Variants in COL21A1 observed in about 807,000 individuals in gnomAD.
COL21A1 encodes collagen type XXI alpha 1 chain.
COL21A1 carries 149 observed loss-of-function variants against 137.9 expected under a neutral mutation model. The observed-to-expected ratio is 1.08, with a 90% CI of 0.95 to 1.24. The LOEUF (loss-of-function observed/expected upper bound fraction) is 1.24. COL21A1 is among the 50% of genes most tolerant of loss of function. The probability of loss-of-function intolerance (pLI) is 0.00; values close to 1 mark genes in which losing one functional copy is unlikely to be tolerated. For synonymous variants in COL21A1, 456 were observed against 391.5 expected (o/e 1.16, Z -1.95); for missense variants, 1,167 against 1,158.4 (o/e 1.01, Z -0.11).
At chr6:56,225,700 T>C (rs1035528078) in intron 1 of COL21A1, among the ~76,000 whole-genome samples, 2 of 152,038 alleles carry the variant, frequency 1.3e-5, no homozygotes, top group African/African-American at 4.8e-5. Context: ...TGGCCTTTAA[T>C]TTTTTTAGTC....
intron 1 of COL21A1, among the ~76,000 whole-genome samples, chr6:56,227,246 T>C: frequency 6.6e-6 from 1 of 152,032 alleles, no homozygotes; most frequent in East Asian, 1.9e-4. Flanking sequence ...GAATGTGCTG[T>C]GTAATATGAC....
chr6:56,370,571 A>G (rs939840567), intron 1 of COL21A1, among the ~76,000 whole-genome samples: 1 of 152,232 alleles, frequency 6.6e-6, no homozygotes, highest in Non-Finnish European at 1.5e-5. Context: ...TTTTCAAAAT[A>G]AACCGTACAA....
At chr6:56,327,048 A>C (rs1047461792) in intron 1 of COL21A1, among the ~76,000 whole-genome samples, 8 of 152,078 alleles carry the variant, frequency 5.3e-5, no homozygotes, top group Non-Finnish European at 1.2e-4. Flanking sequence ...TATGTAAACC[A>C]GTATGATCAA....
In COL21A1 at chr6:56,170,963, G is replaced by A. The variant is rs1004347614; in HGVS notation, c.806C>T (p.Thr269Ile). 3 of 1,601,196 alleles carry A rather than the reference G, an allele frequency of 1.9e-6. No homozygotes were observed. The highest frequency in any genetic ancestry group is 3.4e-5 in the Admixed American group (2 of 58,100). ...TGTGTCAACATATAATGCATACCTT[G>A]TGAGTTCTGATAAATCAACTTTTGA... ...VTSKVDLSEL[T>I]SNVFPEGLPP... The change falls in exon 4 of 30, where the codon ACA (threonine) becomes ATA (isoleucine). Residue 269 changes from threonine to isoleucine, a missense_variant. Transcript: ENST00000244728.
chr6:56,171,805 C>T (rs1052908980), intron 3 of COL21A1, among the ~76,000 whole-genome samples: 1 of 151,510 alleles, frequency 6.6e-6, no homozygotes, highest in East Asian at 1.9e-4. Context: ...TAAGAATAAT[C>T]ATTAGCATTA....
chr6:56,178,361 T>G (rs564429099), intron 3 of COL21A1, among the ~76,000 whole-genome samples: 1 of 152,296 alleles, frequency 6.6e-6, no homozygotes, highest in East Asian at 1.9e-4. Context: ...TGATTTGTAC[T>G]TATTACAGTA....
At chr6:56,293,297 A>G (rs918555539) in intron 1 of COL21A1, among the ~76,000 whole-genome samples, 1 of 152,174 alleles carries the variant, frequency 6.6e-6, no homozygotes, top group African/African-American at 2.4e-5. Context: ...TTATACGATC[A>G]TTGTCTTGTA....
At chr6:56,266,067 T>C (rs576277589) in intron 1 of COL21A1, among the ~76,000 whole-genome samples, 11 of 152,344 alleles carry the variant, frequency 7.2e-5, no homozygotes, top group African/African-American at 2.6e-4. Flanking sequence ...ACCAGTAGCC[T>C]TTATAGGCCT....
rs376350188 is a variant in COL21A1 at position 56,126,121 on chromosome 6, C to G, written c.1571G>C (p.Gly524Ala). Residue 524 changes from glycine to alanine, a missense_variant, in exon 13 of 30, where the codon GGG becomes GCG. By Grantham distance (60) the Gly-to-Ala change is moderately conservative. Coordinates refer to ENST00000244728, the MANE Select transcript of COL21A1 (RefSeq NM_030820.4). ...KGDRGLPGFP[G>A]LHGMPGSKGE... ...CTTTGATCCTGGCATGCCATGAAGC[C>G]CAGGAAAACCAGGAAGTCCACGATC... 1.3e-6 allele frequency: 2 copies of G among 1,547,902 alleles called. No individual in the cohort carries two copies. The highest frequency in any genetic ancestry group is 1.7e-6 in the Non-Finnish European group (2 of 1,145,040).
At chr6:56,103,398 G>A (rs117237789) in intron 16 of COL21A1, among the ~76,000 whole-genome samples, 1,913 of 152,254 alleles carry the variant, frequency 0.013, 37 homozygotes, top group East Asian at 0.056. Flanking sequence ...AAAATAAAGA[G>A]GGTAAGGCAC....
At chr6:56,061,260 A>C in intron 25 of COL21A1, 1 of 539,296 alleles carries the variant, frequency 1.9e-6, no homozygotes, top group Non-Finnish European at 3.2e-6. Context: ...ACAAGTATCC[A>C]CAACTGATTG....
chr6:56,317,603 C>T (rs1032947153), intron 1 of COL21A1, among the ~76,000 whole-genome samples: 2 of 152,158 alleles, frequency 1.3e-5, no homozygotes. Flanking sequence ...CATCCTGGCT[C>T]AACCCCCAAT....
chr6:56,123,157 T>A (rs1359215646), intron 16 of COL21A1, among the ~76,000 whole-genome samples: 1 of 152,242 alleles, frequency 6.6e-6, no homozygotes, highest in African/African-American at 2.4e-5. Context: ...CCTCTATATG[T>A]CTAGTTTCTA....
intron 1 of COL21A1, among the ~76,000 whole-genome samples, chr6:56,246,647 C>G (rs1782662276): frequency 6.6e-6 from 1 of 152,128 alleles, no homozygotes; most frequent in South Asian, 2.1e-4. Flanking sequence ...CTGGAGGGCT[C>G]ATTAAAACAC....
At chr6:56,326,998 T>C (rs6933632) in intron 1 of COL21A1, among the ~76,000 whole-genome samples, 149,991 of 152,150 alleles carry the variant, frequency 0.99, 73,962 homozygotes, top group Middle Eastern at 1. Context: ...AAATGACTTA[T>C]AGAGACGCAT....
intron 16 of COL21A1, among the ~76,000 whole-genome samples, chr6:56,103,683 T>G (rs950599749): frequency 3.9e-5 from 6 of 152,188 alleles, no homozygotes; most frequent in African/African-American, 1.2e-4. Flanking sequence ...AGGATTTAAC[T>G]TATTATGTTC....
At chr6:56,359,515 T>G (rs1279148812) in intron 1 of COL21A1, among the ~76,000 whole-genome samples, 2 of 152,188 alleles carry the variant, frequency 1.3e-5, no homozygotes, top group Non-Finnish European at 1.5e-5. Flanking sequence ...TTTTTTTCTG[T>G]TTATGTCCTG....
chr6:56,352,589 T>C (rs1765735262), intron 1 of COL21A1, among the ~76,000 whole-genome samples: 1 of 150,860 alleles, frequency 6.6e-6, no homozygotes, highest in Admixed American at 6.6e-5. Context: ...TAAATGAAAA[T>C]TTGTATAGTA....
rs1561954447 is a variant in COL21A1 at position 56,179,962 on chromosome 6, CA to C, written c.255del (p.Val86CysfsTer15). On this transcript the variant is annotated frameshift_variant, in exon 3 of 30. Transcript: ENST00000244728. LOFTEE classifies it high-confidence loss of function. ...QVGVVQYSDY[P>X]VLEIPLGSYD... Reference sequence around the variant, plus strand: ...TAGCTTCCGAGAGGAATCTCCAGCACAGGGTAGTCACTATATTGAACCACTC... The same window carrying C: ...TAGCTTCCGAGAGGAATCTCCAGCACGGGTAGTCACTATATTGAACCACTC... 6.2e-7 allele frequency: 1 copy of C among 1,613,800 alleles called. No homozygotes were observed. The highest frequency in any genetic ancestry group is 1.3e-5 in the African/African-American group (1 of 74,898).
Sources: gnomAD v4.1 joint callset for allele counts (sites outside exome capture counted in the v4.1 genomes callset) on GRCh38, gnomAD v4.1.1 for gene constraint, MANE v1.5 for transcripts, NCBI Gene and HGNC (gene_info 2026-07-23, HGNC 2026-07-21) for gene names.